The following ZNF133 variants were observed in gnomAD, a reference collection of about 807,000 sequenced individuals.
ZNF133 encodes zinc finger protein 133 (clone pHZ-13).
ZNF133 carries 26 observed loss-of-function variants against 54.9 expected under a neutral mutation model. The observed-to-expected ratio is 0.47, with a 90% CI of 0.35 to 0.66. The LOEUF is 0.66. Among genes scored for constraint, ZNF133 ranks in the 30% least tolerant of loss-of-function variants. The pLI, the probability that ZNF133 is intolerant of heterozygous loss-of-function variation, is 0.01. For missense variants in ZNF133, 653 were observed against 820.8 expected (o/e 0.80, Z 2.50); for synonymous variants, 298 against 320.3 (o/e 0.93, Z 0.74).
chr20:18,315,697 G>A lies in ZNF133; in HGVS notation c.846G>A (p.Lys282=). 1 of 1,613,924 alleles carries A rather than the reference G, an allele frequency of 6.2e-7. No individual in the cohort carries two copies. Among genetic ancestry groups the A allele is most frequent in the Non-Finnish European group, 8.5e-7 (1 of 1,179,880 alleles). Residue 282 remains lysine, a synonymous_variant, in exon 7 of 7, where the codon AAG becomes AAA. Transcript: ENST00000425686. The part of the protein sequence containing the change: ...CRECGRGFNR[K]STLIIHERTH... ...AGTGTGGACGAGGCTTTAACCGGAA[G>A]TCAACGCTAATCATACACGAACGGA...
At chr20:18,307,397 T>A (rs532007561) in intron 6 of ZNF133, among the ~76,000 whole-genome samples, 3 of 152,340 alleles carry the variant, frequency 2.0e-5, no homozygotes, top group East Asian at 3.9e-4. Flanking sequence ...CGATGTAGAA[T>A]TCTACATTGG....
chr20:18,309,107 G>A (rs762417358), intron 6 of ZNF133, among the ~76,000 whole-genome samples: 8 of 152,112 alleles, frequency 5.3e-5, no homozygotes, highest in East Asian at 3.9e-4. Flanking sequence ...CATCTTTGTC[G>A]TCTCTTCCTC....
At chr20:18,312,177 C>T (rs1008049759) in intron 6 of ZNF133, among the ~76,000 whole-genome samples, 5 of 152,150 alleles carry the variant, frequency 3.3e-5, no homozygotes, top group Non-Finnish European at 7.3e-5. Flanking sequence ...GCTGAATAAA[C>T]TGAATTTTAT....
chr20:18,298,514 T>A (rs2042684720), intron 3 of ZNF133, 50 bp downstream of exon 3: 1 of 178,370 alleles, frequency 5.6e-6, no homozygotes, highest in South Asian at 1.7e-4. Flanking sequence ...CTACCTGTCA[T>A]CCACCCTGCC....
rs2047407193 is a variant in ZNF133, at chr20:18,316,161, C to T, written c.1310C>T (p.Pro437Leu). The T allele has an allele frequency of 1.2e-6, 2 of 1,612,058 alleles. No individual in the cohort carries two copies. The highest frequency in any genetic ancestry group is 3.3e-5 in the Admixed American group (2 of 59,916). ...AGGCGGACACACACTGGGGAGAAGC[C>T]GTATGTTTGTGGGGTGTGTGGGCGA... ...SHRRTHTGEK[P>L]YVCGVCGRGF... The change falls in exon 7 of 7, where the codon CCG becomes CTG. Residue 437 changes from proline to leucine, a missense_variant. Transcript: ENST00000425686.
chr20:18,292,415 C>T (rs555017446), intron 1 of ZNF133, among the ~76,000 whole-genome samples: 16 of 152,260 alleles, frequency 1.1e-4, no homozygotes, highest in African/African-American at 3.1e-4. Flanking sequence ...GTGAACTGTC[C>T]GTCCCTTGGC....
At chr20:18,304,904 A>G in intron 3 of ZNF133, 104 bp from the exon 4 acceptor site, 1 of 752,414 alleles carries the variant, frequency 1.3e-6, no homozygotes, top group Non-Finnish European at 1.6e-6. Flanking sequence ...CACATGCCTC[A>G]TCTGTAGTTC....
intron 6 of ZNF133, among the ~76,000 whole-genome samples, chr20:18,307,133 T>TA (rs1243564663): frequency 1.3e-5 from 2 of 152,250 alleles, no homozygotes; most frequent in Non-Finnish European, 2.9e-5. Context: ...ATGTTTGTTT[T>TA]AAATGTTCAT....
At chr20:18,304,767 G>A (rs1322225022) in intron 3 of ZNF133, among the ~76,000 whole-genome samples, 1 of 152,214 alleles carries the variant, frequency 6.6e-6, no homozygotes, top group African/African-American at 2.4e-5. Context: ...TAGTTACAGT[G>A]TTTCAATGTG....
At chr20:18,289,966 T>C (rs1884408244) in intron 1 of ZNF133, 1 of 152,468 alleles carries the variant, frequency 6.6e-6, no homozygotes, top group South Asian at 2.1e-4. Context: ...CTTGATTTTC[T>C]TGAACGCTTT....
At chr20:18,310,163 T>C in intron 6 of ZNF133, 1 of 1,323,994 alleles carries the variant, frequency 7.6e-7, no homozygotes, top group Non-Finnish European at 9.6e-7. Context: ...TTGTTTTAAT[T>C]TAAAGAAAAA....
Position 18,315,990 on chromosome 20 carries a change from AGCCCTAC to A in ZNF133, c.1143_1149del (p.Tyr382AlafsTer182), listed in dbSNP as rs777980301. The A allele has an allele frequency of 1.9e-6, 3 of 1,613,136 alleles. No homozygotes were observed. The highest frequency in any genetic ancestry group is 2.5e-6 in the Non-Finnish European group (3 of 1,179,736). ...CACCAGAGGACGCACTCTGGGGAGA[AGCCCTAC>A]GCCTGCAAGGAGTGTGGGCGATGCT... On this transcript the variant is annotated frameshift_variant, in exon 7 of 7. Coordinates refer to ENST00000425686, the MANE Select transcript of ZNF133 (RefSeq NM_001352452.2). LOFTEE classifies it high-confidence loss of function.
At chr20:18,289,931 T>A (rs1469792840) in intron 1 of ZNF133, 2 of 152,260 alleles carry the variant, frequency 1.3e-5, no homozygotes, top group Non-Finnish European at 2.9e-5. Context: ...GAATAGGAGG[T>A]ACTGCCCTGC....
At chr20:18,295,904 T>A (rs1050475783) in intron 1 of ZNF133, among the ~76,000 whole-genome samples, 2 of 152,186 alleles carry the variant, frequency 1.3e-5, no homozygotes, top group Admixed American at 6.5e-5. Context: ...TTTTTATTTG[T>A]AAAAGTACTT....
In ZNF133 at chr20:18,315,079, G is replaced by C. The variant is rs769206655; in HGVS notation, c.228G>C (p.Glu76Asp). ...CTTTTCTCTCTGCAGCAGATCCAGA[G>C]CCAGAGCTCTACCTCGATCCTTTCT... is the stretch of plus-strand genomic sequence containing the variant. ...CSPATCPADP[E>D]PELYLDPFCP... Residue 76 changes from glutamate to aspartate, a missense_variant, in exon 7 of 7, where the codon GAG (glutamate) becomes GAC (aspartate). By Grantham distance (45) the Glu-to-Asp change is conservative. Around this residue, in one of 4 missense-constraint regions of ZNF133, gnomAD observed 227 missense variants for 233.9 expected, o/e 0.97. Transcript: ENST00000425686. 2 of 1,528,854 alleles carry C rather than the reference G, an allele frequency of 1.3e-6. No individual in the cohort carries two copies. The highest frequency in any genetic ancestry group is 4.5e-5 in the East Asian group (2 of 44,204). 94.7% of individuals were successfully genotyped at this position (1,528,854 alleles called of 1,614,324 possible).
chr20:18,306,245 A>G, intron 5 of ZNF133, 53 bp from the exon 6 acceptor site: 1 of 1,519,988 alleles, frequency 6.6e-7, no homozygotes, highest in Non-Finnish European at 9.0e-7. Context: ...TGAATTCTTG[A>G]ATGGGCTCTT....
chr20:18,301,712 GAAATC>G (rs991369396), intron 3 of ZNF133, among the ~76,000 whole-genome samples: 14 of 152,230 alleles, frequency 9.2e-5, no homozygotes, highest in Admixed American at 5.2e-4. Context: ...TGAATCATAA[GAAATC>G]AAAATTTTGA....
intron 1 of ZNF133, among the ~76,000 whole-genome samples, chr20:18,297,027 A>G (rs1043705725): frequency 1.3e-5 from 2 of 152,168 alleles, no homozygotes; most frequent in African/African-American, 2.4e-5. Flanking sequence ...TTATGAGTCA[A>G]CTTTTCCCTC....
At position 18,297,068 on chromosome 20, in the gene ZNF133, C is replaced by T. The variant is rs73899988; in HGVS notation, c.-431-917C>T. 2.5e-3 allele frequency among the ~76,000 whole-genome samples: 376 copies of T among 152,228 alleles called. 1 individual carries two copies. Among genetic ancestry groups the T allele is most frequent in the African/African-American group, 8.4e-3 (349 of 41,556 alleles). On this transcript the variant is annotated intron_variant, in intron 1 of 6. Coordinates refer to ENST00000425686, the MANE Select transcript of ZNF133 (RefSeq NM_001352452.2). ...CCATAGGCCCTTTCATATTTAGATT[C>T]AGGTAATTGTTTTTAAAATGTTTTC...
Sources: allele counts gnomAD v4.1 joint callset (sites outside exome capture counted in the v4.1 genomes callset), GRCh38; gene constraint gnomAD v4.1.1; regional missense constraint gnomAD v4.1.1; transcripts MANE v1.5; gene names NCBI Gene and HGNC (gene_info 2026-07-23, HGNC 2026-07-21).